The following SBF2 variants were observed in gnomAD, a reference collection of about 807,000 sequenced individuals.
SBF2 encodes the protein SET binding factor 2.
Under a neutral mutation model 225.2 loss-of-function variants are expected in SBF2, and 112 were observed. The ratio of observed to expected loss-of-function variants is 0.50; its 90% confidence interval spans 0.43 to 0.58. The LOEUF (loss-of-function observed/expected upper bound fraction) is 0.58, where lower values mean the gene tolerates loss of function less well. Among genes scored for constraint, SBF2 ranks in the 20% least tolerant of loss-of-function variants. SBF2 has a pLI of 0.00. For synonymous variants in SBF2, 763 were observed against 773.3 expected (o/e 0.99, Z 0.22); for missense variants, 1,996 against 2,206.2 (o/e 0.90, Z 1.91).
chr11:9,876,883 C>T (rs962186921), intron 17 of SBF2, among the ~76,000 whole-genome samples: 2 of 152,156 alleles, frequency 1.3e-5, no homozygotes, highest in Admixed American at 6.6e-5. Context: ...GGATTACAGG[C>T]GCCCACCACC....
At chr11:10,039,884 T>C (rs1590815978) in intron 3 of SBF2, among the ~76,000 whole-genome samples, 1 of 151,848 alleles carries the variant, frequency 6.6e-6, no homozygotes, top group Non-Finnish European at 1.5e-5. Context: ...TATGGGATAA[T>C]TTGTGCATTA....
At chr11:10,069,262 C>A (rs531031677) in intron 2 of SBF2, among the ~76,000 whole-genome samples, 3 of 151,594 alleles carry the variant, frequency 2.0e-5, no homozygotes, top group African/African-American at 7.3e-5. Flanking sequence ...TTGCTGCACC[C>A]ATCAACTCAT....
chr11:9,939,086 T>TTTTATTTTA (rs1865086928), intron 16 of SBF2, among the ~76,000 whole-genome samples: 1 of 152,090 alleles, frequency 6.6e-6, no homozygotes, highest in Non-Finnish European at 1.5e-5. Flanking sequence ...CTTTATTTTA[T>TTTTATTTTA]TTTATTTTAT....
intron 2 of SBF2, among the ~76,000 whole-genome samples, chr11:10,074,420 G>C (rs1157463483): frequency 6.6e-6 from 1 of 152,082 alleles, no homozygotes; most frequent in Non-Finnish European, 1.5e-5. Flanking sequence ...AACTCAGCCA[G>C]CAAAGGAAGA....
chr11:9,838,190 T>A (rs1200558777), intron 26 of SBF2: 1 of 151,894 alleles, frequency 6.6e-6, no homozygotes, highest in Non-Finnish European at 1.5e-5. Flanking sequence ...CTATGTCCCC[T>A]TTTTTTTCCT....
intron 2 of SBF2, among the ~76,000 whole-genome samples, chr11:10,122,395 C>A (rs7129047): frequency 0.18 from 27,180 of 152,050 alleles, 2,599 homozygotes; most frequent in East Asian, 0.28. Context: ...TACTCCTCAG[C>A]TAAGTGGGGA....
At chr11:9,821,391 T>G (rs1046230623) in intron 28 of SBF2, among the ~76,000 whole-genome samples, 1 of 152,154 alleles carries the variant, frequency 6.6e-6, no homozygotes, top group African/African-American at 2.4e-5. Flanking sequence ...GGCTCATCAA[T>G]GAAAAACTGC....
intron 26 of SBF2, among the ~76,000 whole-genome samples, chr11:9,837,819 C>G (rs1855828607): frequency 6.6e-6 from 1 of 151,990 alleles, no homozygotes; most frequent in African/African-American, 2.4e-5. Flanking sequence ...CTCACTGTAA[C>G]CTCCACCACC....
At chr11:10,097,293 T>C (rs1244447131) in intron 2 of SBF2, among the ~76,000 whole-genome samples, 1 of 152,218 alleles carries the variant, frequency 6.6e-6, no homozygotes, top group African/African-American at 2.4e-5. Context: ...AAGCGTGGAT[T>C]TCCCGGCCTT....
At chr11:10,173,231 C>T (rs2135254854) in intron 2 of SBF2, among the ~76,000 whole-genome samples, 1 of 152,346 alleles carries the variant, frequency 6.6e-6, no homozygotes. Flanking sequence ...GTGATTTCTG[C>T]ATTTCCATCT....
intron 2 of SBF2, among the ~76,000 whole-genome samples, chr11:10,077,739 A>G (rs1357071443): frequency 6.6e-6 from 1 of 152,270 alleles, no homozygotes. Context: ...CAAAGACTTC[A>G]TGACTAAAAC....
chr11:10,020,491 G>C (rs1031344876), intron 6 of SBF2, among the ~76,000 whole-genome samples: 49 of 151,844 alleles, frequency 3.2e-4, no homozygotes, highest in African/African-American at 1.0e-3. Flanking sequence ...CTGTGCACTT[G>C]CTCTCTCAAG....
In SBF2 at chr11:9,847,142, T is replaced by C. The variant is rs1404999696; in HGVS notation, c.2807-59A>G. On this transcript the variant is annotated intron_variant, in intron 22 of 39. Coordinates refer to ENST00000256190, the MANE Select transcript of SBF2 (RefSeq NM_030962.4). Reference sequence around the variant, plus strand: ...CACTTTATAGCTCACTTTTAGAGTGTCTACTGCTTACTTCATCAGTCTCTG... The same window carrying C: ...CACTTTATAGCTCACTTTTAGAGTGCCTACTGCTTACTTCATCAGTCTCTG... The C allele has an allele frequency of 2.5e-6, 4 of 1,595,462 alleles. No individual in the cohort carries two copies. In the East Asian group the frequency reaches 8.9e-5, roughly 36 times the overall value.
intron 28 of SBF2, among the ~76,000 whole-genome samples, chr11:9,827,921 C>T (rs930754185): frequency 6.6e-6 from 1 of 152,214 alleles, no homozygotes; most frequent in Non-Finnish European, 1.5e-5. Context: ...ATATATATGA[C>T]ATCAGCAATT....
chr11:9,805,231 G>A (rs562146519), intron 32 of SBF2, among the ~76,000 whole-genome samples: 33 of 145,706 alleles, frequency 2.3e-4, no homozygotes, highest in African/African-American at 8.0e-4. Flanking sequence ...AGGTGACAGA[G>A]TGAGACTCTG....
chr11:9,934,533 T>A (rs777167417), intron 16 of SBF2, among the ~76,000 whole-genome samples: 11 of 152,296 alleles, frequency 7.2e-5, no homozygotes, highest in Admixed American at 2.0e-4. Context: ...ATATCCCTGA[T>A]GAACATCAAT....
intron 1 of SBF2, among the ~76,000 whole-genome samples, chr11:10,279,948 C>T (rs1274111398): frequency 2.0e-5 from 3 of 152,124 alleles, no homozygotes; most frequent in Non-Finnish European, 2.9e-5. Context: ...CACGCCTGGC[C>T]GATCAGTGAT....
chr11:10,245,493 ATAAG>A (rs1449755394), intron 1 of SBF2, among the ~76,000 whole-genome samples: 1 of 152,178 alleles, frequency 6.6e-6, no homozygotes, highest in East Asian at 1.9e-4. Context: ...AAAAAAAAAG[ATAAG>A]TAATGTTGGC....
chr11:9,931,587 C>G (rs1364993362), intron 16 of SBF2, among the ~76,000 whole-genome samples: 1 of 151,298 alleles, frequency 6.6e-6, no homozygotes, highest in African/African-American at 2.4e-5. Flanking sequence ...GCACCAACAT[C>G]AACAAAAAGG....
Sources: allele counts gnomAD v4.1 joint callset (sites outside exome capture counted in the v4.1 genomes callset), GRCh38; gene constraint gnomAD v4.1.1; transcripts MANE v1.5; gene names NCBI Gene and HGNC (gene_info 2026-07-23, HGNC 2026-07-21).